Variants in BCAR3 observed in about 807,000 individuals in gnomAD.
BCAR3 encodes the protein breast cancer anti-estrogen resistance protein 3.
A neutral mutation model predicts 80.1 loss-of-function variants in BCAR3; 37 were observed. That is an observed-to-expected ratio of 0.46 (90% CI 0.36 to 0.61). The LOEUF (loss-of-function observed/expected upper bound fraction) is 0.61, where lower values mean the gene tolerates loss of function less well. BCAR3 is among the 20% of genes least tolerant of loss of function. BCAR3 has a pLI of 0.00. For missense variants in BCAR3, 978 were observed against 1,068.2 expected, an observed-to-expected ratio of 0.92 and a Z score of 1.18; for synonymous variants, 389 against 418.9, an observed-to-expected ratio of 0.93 and a Z score of 0.87.
intron 2 of BCAR3, among the ~76,000 whole-genome samples, chr1:93,827,559 T>C (rs1042411337): frequency 6.6e-6 from 1 of 152,100 alleles, no homozygotes; most frequent in African/African-American, 2.4e-5. Context: ...CCTCTCTTAT[T>C]CAGCCCCTAA....
At chr1:93,829,286 GGTGGCTATACTTGTACAC>G (rs1055223462) in intron 2 of BCAR3, among the ~76,000 whole-genome samples, 8 of 152,010 alleles carry the variant, frequency 5.3e-5, no homozygotes, top group African/African-American at 1.9e-4. Flanking sequence ...TCCACCTGGT[GGTGGCTATACTTGTACAC>G]GTGATTTTAC....
At chr1:93,776,145 G>A (rs1195092990) in intron 2 of BCAR3, among the ~76,000 whole-genome samples, 1 of 151,982 alleles carries the variant, frequency 6.6e-6, no homozygotes. Flanking sequence ...GAGGGAGGGA[G>A]GTATCCTCAG....
intron 3 of BCAR3, among the ~76,000 whole-genome samples, chr1:93,638,423 G>C (rs1329588869): frequency 1.3e-5 from 2 of 152,170 alleles, no homozygotes; most frequent in Non-Finnish European, 2.9e-5. Context: ...ACTTGATAGT[G>C]ATCTAAGAAA....
chr1:93,845,964 C>A (rs1320926191), intron 1 of BCAR3, among the ~76,000 whole-genome samples: 1 of 152,206 alleles, frequency 6.6e-6, no homozygotes, highest in Non-Finnish European at 1.5e-5. Flanking sequence ...ATTCATGAAA[C>A]CGTGAAAGCT....
At chr1:93,565,709 C>A (rs1158546241) in intron 11 of BCAR3, among the ~76,000 whole-genome samples, 1 of 152,094 alleles carries the variant, frequency 6.6e-6, no homozygotes, top group Non-Finnish European at 1.5e-5. Context: ...TACAGCCAAT[C>A]CTGGAGAACT....
intron 2 of BCAR3, among the ~76,000 whole-genome samples, chr1:93,667,419 G>A (rs908169468): frequency 2.6e-5 from 4 of 152,198 alleles, no homozygotes; most frequent in Admixed American, 6.5e-5. Context: ...GGTTATTTAC[G>A]CTCCCACTTT....
upstream of BCAR3, among the ~76,000 whole-genome samples, chr1:93,683,247 T>C (rs1056919049): frequency 6.6e-6 from 1 of 152,178 alleles, no homozygotes; most frequent in African/African-American, 2.4e-5. Context: ...ATGGAAAATA[T>C]CTCAATTTAT....
intron 3 of BCAR3, among the ~76,000 whole-genome samples, chr1:93,633,520 G>A (rs11800247): frequency 0.033 from 5,066 of 152,190 alleles, 279 homozygotes; most frequent in African/African-American, 0.12. Flanking sequence ...CTTCAAGCTC[G>A]GCACTTTTTC....
At chr1:93,620,348 A>AG (rs1675270276) in intron 3 of BCAR3, among the ~76,000 whole-genome samples, 1 of 152,260 alleles carries the variant, frequency 6.6e-6, no homozygotes, top group Non-Finnish European at 1.5e-5. Flanking sequence ...CAGATGTCTC[A>AG]GGATTGTCTA....
chr1:93,650,426 C>G (rs75933503), intron 2 of BCAR3, among the ~76,000 whole-genome samples: 101 of 152,276 alleles, frequency 6.6e-4, no homozygotes, highest in Non-Finnish European at 1.2e-3. Flanking sequence ...AACAGTCACT[C>G]CAGCTGAGTG....
At chr1:93,677,643 G>A (rs529451741) in intron 1 of BCAR3, among the ~76,000 whole-genome samples, 2 of 152,298 alleles carry the variant, frequency 1.3e-5, no homozygotes, top group Admixed American at 1.3e-4. Flanking sequence ...CAGAGCTTGA[G>A]GCATCTGGCT....
chr1:93,760,043 C>T (rs376784977), intron 2 of BCAR3, among the ~76,000 whole-genome samples: 5 of 152,104 alleles, frequency 3.3e-5, no homozygotes, highest in African/African-American at 9.6e-5. Flanking sequence ...GGGTAACTTA[C>T]GTAAACTAGG....
Position 93,750,497 on chromosome 1 carries a change from T to C in BCAR3, c.-62-44355A>G, listed in dbSNP as rs141738029. Among the ~76,000 whole-genome samples, 88 of 152,352 alleles carry C rather than the reference T, an allele frequency of 5.8e-4. No individual in the cohort carries two copies. The East Asian group carries it at 0.015, about 25-fold the overall frequency. On this transcript the variant is annotated intron_variant, in intron 2 of 13. Coordinates refer to the BCAR3 transcript ENST00000370244. Reference sequence around the variant, plus strand: ...ACGGTTTTAAAATTCTTTAACAGTCTTCCCATCCAGAGCTGCCTTCTCTTT... The same window carrying C: ...ACGGTTTTAAAATTCTTTAACAGTCCTCCCATCCAGAGCTGCCTTCTCTTT...
At chr1:93,630,282 T>C (rs1012883257) in intron 3 of BCAR3, among the ~76,000 whole-genome samples, 3 of 152,018 alleles carry the variant, frequency 2.0e-5, no homozygotes, top group Admixed American at 1.3e-4. Flanking sequence ...AAAAGAAGGG[T>C]CTTTGTCCTC....
chr1:93,783,262 G>C (rs544395632), intron 2 of BCAR3, among the ~76,000 whole-genome samples: 1 of 152,274 alleles, frequency 6.6e-6, no homozygotes, highest in South Asian at 2.1e-4. Context: ...CGTTATAGGG[G>C]GCTTTCCTGT....
chr1:93,717,391 T>C (rs1375032555), intron 2 of BCAR3, among the ~76,000 whole-genome samples: 1 of 152,198 alleles, frequency 6.6e-6, no homozygotes, highest in Admixed American at 6.5e-5. Context: ...AAAAGTTAGT[T>C]GATTTTGCAT....
intron 5 of BCAR3, among the ~76,000 whole-genome samples, chr1:93,585,634 AG>A (rs1439190166): frequency 6.6e-6 from 1 of 152,298 alleles, no homozygotes; most frequent in East Asian, 1.9e-4. Context: ...ACAGAAGAAA[AG>A]GTACCCCTTC....
intron 3 of BCAR3, among the ~76,000 whole-genome samples, chr1:93,629,488 A>C (rs1675544354): frequency 6.6e-6 from 1 of 152,254 alleles, no homozygotes; most frequent in African/African-American, 2.4e-5. Flanking sequence ...TCTAATAATA[A>C]AATTCCTTGA....
At chr1:93,597,217 T>C (rs756969469) in intron 3 of BCAR3, among the ~76,000 whole-genome samples, 1 of 152,180 alleles carries the variant, frequency 6.6e-6, no homozygotes, top group Non-Finnish European at 1.5e-5. Flanking sequence ...CACTTCGAAA[T>C]GTTCATGTTT....
Sources: allele counts gnomAD v4.1 joint callset (sites outside exome capture counted in the v4.1 genomes callset), GRCh38; gene constraint gnomAD v4.1.1; transcripts MANE v1.5; gene names NCBI Gene and HGNC (gene_info 2026-07-23, HGNC 2026-07-21).